CCDC171: variants seen among roughly 807,000 people sequenced by gnomAD.
CCDC171 encodes the protein coiled-coil domain-containing protein 171.
In CCDC171, 177 loss-of-function variants were observed where a neutral mutation model predicts 168.2. That is an observed-to-expected ratio of 1.05 (90% CI 0.93 to 1.19). The LOEUF (loss-of-function observed/expected upper bound fraction) is 1.19. CCDC171 is among the 50% of genes most tolerant of loss of function. The pLI, the probability that CCDC171 is intolerant of heterozygous loss-of-function variation, is 0.00. For synonymous variants in CCDC171, 687 were observed against 540.8 expected (o/e 1.27, Z -3.75); for missense variants, 1,991 against 1,539.0 (o/e 1.29, Z -4.91).
intron 6 of CCDC171, among the ~76,000 whole-genome samples, chr9:15,603,298 A>G (rs2042995396): frequency 6.6e-6 from 1 of 152,138 alleles, no homozygotes; most frequent in Admixed American, 6.5e-5. Context: ...TGTGCAGGTT[A>G]GTTACATAGG....
At chr9:15,596,198 T>C (rs1384447129) in intron 6 of CCDC171, among the ~76,000 whole-genome samples, 4 of 152,164 alleles carry the variant, frequency 2.6e-5, no homozygotes, top group Non-Finnish European at 4.4e-5. Flanking sequence ...GTTTTGGTGT[T>C]TTAGACATGA....
At chr9:15,867,134 G>C (rs1358126984) in intron 23 of CCDC171, among the ~76,000 whole-genome samples, 1 of 152,026 alleles carries the variant, frequency 6.6e-6, no homozygotes, top group Non-Finnish European at 1.5e-5. Context: ...GTAATGACTA[G>C]TTTGATTCCT....
intron 6 of CCDC171, among the ~76,000 whole-genome samples, chr9:16,031,372 TGAAA>T (rs747086144): frequency 6.6e-5 from 10 of 152,206 alleles, no homozygotes; most frequent in South Asian, 4.1e-4. Context: ...CTGAAAAACT[TGAAA>T]GAATGTTCAG....
the CCDC171 span, among the ~76,000 whole-genome samples, chr9:16,082,580 G>A: frequency 1.3e-5 from 2 of 152,146 alleles, no homozygotes; most frequent in Non-Finnish European, 1.5e-5. Context: ...AACTTTTCTA[G>A]TTTTATTTCA....
chr9:15,928,968 C>T (rs945912578), intron 25 of CCDC171, among the ~76,000 whole-genome samples: 1 of 151,606 alleles, frequency 6.6e-6, no homozygotes, highest in African/African-American at 2.4e-5. Context: ...GCACTTTCAT[C>T]ATGGTGACTA....
intron 24 of CCDC171, among the ~76,000 whole-genome samples, chr9:15,910,048 G>A (rs1294163184): frequency 1.3e-5 from 2 of 152,076 alleles, no homozygotes. Flanking sequence ...GTGAGAACAT[G>A]CAGTATTTGA....
At chr9:15,618,259 C>A (rs2044239853) in intron 6 of CCDC171, among the ~76,000 whole-genome samples, 1 of 152,192 alleles carries the variant, frequency 6.6e-6, no homozygotes, top group Non-Finnish European at 1.5e-5. Flanking sequence ...TGGCCACAGC[C>A]ACTTTGCTTT....
intron 21 of CCDC171, among the ~76,000 whole-genome samples, chr9:15,822,059 C>T (rs894250792): frequency 2.0e-4 from 30 of 152,206 alleles, no homozygotes; most frequent in Middle Eastern, 3.4e-3. Flanking sequence ...CTTTGACAAA[C>T]CTGAGAAAAA....
chr9:15,672,767 T>C (rs1224284373), intron 9 of CCDC171, among the ~76,000 whole-genome samples: 1 of 152,214 alleles, frequency 6.6e-6, no homozygotes, highest in Non-Finnish European at 1.5e-5. Flanking sequence ...TGTAGTATAG[T>C]TTAAAGTCAG....
rs552932963 is a variant in CCDC171, at chr9:15,639,002, C to G, written c.822+15589C>G. Among the ~76,000 whole-genome samples the G allele has an allele frequency of 6.6e-5, 10 of 152,140 alleles. No individual in the cohort carries two copies. In the South Asian group the frequency reaches 1.9e-3, roughly 28 times the overall value. Reference sequence around the variant, plus strand: ...TCTGAAGATTATGGTAGAGAGAGAACAGTCTTTGCAAATAAATTCTGAATT... The same window carrying G: ...TCTGAAGATTATGGTAGAGAGAGAAGAGTCTTTGCAAATAAATTCTGAATT... On this transcript the variant is annotated intron_variant, in intron 7 of 25. Transcript: ENST00000380701.
At chr9:15,787,807 G>C (rs2058046986) in intron 21 of CCDC171, among the ~76,000 whole-genome samples, 1 of 152,082 alleles carries the variant, frequency 6.6e-6, no homozygotes, top group East Asian at 1.9e-4. Context: ...TTGACAGTTT[G>C]GTAGATATGT....
chr9:15,770,388 A>G (rs543272496), intron 18 of CCDC171, among the ~76,000 whole-genome samples: 27 of 152,324 alleles, frequency 1.8e-4, no homozygotes, highest in South Asian at 4.1e-4. Flanking sequence ...TATATTACAG[A>G]AAAATTAGTT....
chr9:16,060,366 C>T (rs149461183), intron 1 of CCDC171, among the ~76,000 whole-genome samples: 3 of 152,206 alleles, frequency 2.0e-5, no homozygotes, highest in Admixed American at 1.3e-4. Context: ...CACCTGGGAA[C>T]GGTGACTTTG....
intron 7 of CCDC171, among the ~76,000 whole-genome samples, chr9:15,647,910 A>G (rs1188696628): frequency 6.6e-6 from 1 of 152,236 alleles, no homozygotes; most frequent in East Asian, 1.9e-4. Flanking sequence ...GGCCAGCATC[A>G]TCCTGATACC....
At chr9:15,948,992 T>G (rs1350505753) in intron 25 of CCDC171, among the ~76,000 whole-genome samples, 1 of 152,214 alleles carries the variant, frequency 6.6e-6, no homozygotes, top group South Asian at 2.1e-4. Flanking sequence ...CTCGAATTGA[T>G]TTTAGTGTAA....
rs539561781 is a variant in CCDC171 at position 16,055,429 on chromosome 9, G to A, written n.90-5217G>A. On this transcript the variant is annotated intron_variant and non_coding_transcript_variant, in intron 1 of 1. Coordinates refer to the CCDC171 transcript ENST00000478913. ...GTGGTCCTTGACACTCATGTGAAGA[G>A]GAAGAGGAGACCGGTGTAGTAGGAG... Among the ~76,000 whole-genome samples, 6 of 152,220 alleles carry A rather than the reference G, an allele frequency of 3.9e-5. No individual in the cohort carries two copies. In the East Asian group the frequency reaches 9.7e-4, roughly 25 times the overall value.
downstream of CCDC171, among the ~76,000 whole-genome samples, chr9:16,064,293 A>G (rs530369692): frequency 2.6e-5 from 4 of 152,264 alleles, no homozygotes; most frequent in East Asian, 3.9e-4. Flanking sequence ...CAAGTTTCCA[A>G]TATTACCTCA....
At chr9:15,935,061 GA>G (rs1467647810) in intron 25 of CCDC171, among the ~76,000 whole-genome samples, 2 of 152,112 alleles carry the variant, frequency 1.3e-5, no homozygotes, top group Non-Finnish European at 2.9e-5. Flanking sequence ...CTGGGGTGAT[GA>G]AAAGGTTCTG....
At chr9:15,753,105 T>C (rs1327398881) in intron 18 of CCDC171, among the ~76,000 whole-genome samples, 1 of 152,110 alleles carries the variant, frequency 6.6e-6, no homozygotes, top group Non-Finnish European at 1.5e-5. Context: ...AGAACAATAA[T>C]GACAACTCAT....
Sources: gnomAD v4.1 joint callset for allele counts (sites outside exome capture counted in the v4.1 genomes callset) on GRCh38, gnomAD v4.1.1 for gene constraint, MANE v1.5 for transcripts, NCBI Gene and HGNC (gene_info 2026-07-23, HGNC 2026-07-21) for gene names.